GFRA1: variants seen among roughly 807,000 people sequenced by gnomAD.
The protein encoded by GFRA1 is GDNF family receptor alpha 1.
Under a neutral mutation model 51.6 loss-of-function variants are expected in GFRA1, and 16 were observed. That is an observed-to-expected ratio of 0.31 (90% CI 0.21 to 0.47). GFRA1 has a LOEUF of 0.47. Ranked by LOEUF, GFRA1 falls within the 20% of genes least tolerant of loss-of-function variation. The pLI is 1.00. For synonymous variants in GFRA1, 270 were observed against 241.3 expected (o/e 1.12, Z -1.10); for missense variants, 530 against 594.3 (o/e 0.89, Z 1.13).
At chr10:116,270,430 A>G (rs568408282) in intron 3 of GFRA1, among the ~76,000 whole-genome samples, 3 of 152,344 alleles carry the variant, frequency 2.0e-5, no homozygotes, top group East Asian at 3.9e-4. Context: ...GGGGGAGTCC[A>G]GACCAGATGC....
intron 9 of GFRA1, among the ~76,000 whole-genome samples, chr10:116,068,222 C>CT (rs1955207113): frequency 6.6e-6 from 1 of 152,220 alleles, no homozygotes; most frequent in Admixed American, 6.5e-5. Context: ...ACACAGGACT[C>CT]TAAAGACACT....
chr10:116,130,293 C>T (rs1958053333), intron 5 of GFRA1, among the ~76,000 whole-genome samples: 1 of 151,810 alleles, frequency 6.6e-6, no homozygotes, highest in Non-Finnish European at 1.5e-5. Flanking sequence ...TTTAAAAAGA[C>T]AACTAATATT....
intron 5 of GFRA1, among the ~76,000 whole-genome samples, chr10:116,208,727 G>A (rs1348355505): frequency 6.6e-6 from 1 of 152,198 alleles, no homozygotes. Flanking sequence ...TTCGATTTCA[G>A]AATCAAGGTT....
chr10:116,216,238 C>T (rs1217543226), intron 4 of GFRA1, among the ~76,000 whole-genome samples: 1 of 152,170 alleles, frequency 6.6e-6, no homozygotes, highest in Non-Finnish European at 1.5e-5. Flanking sequence ...ATCCACATGA[C>T]TAGTGTTTAC....
At chr10:116,224,843 T>C (rs1966168225) in intron 4 of GFRA1, among the ~76,000 whole-genome samples, 1 of 152,224 alleles carries the variant, frequency 6.6e-6, no homozygotes, top group Admixed American at 6.5e-5. Flanking sequence ...TGTGAAGTCC[T>C]GGGTTGTGAA....
chr10:116,224,750 A>C (rs1188508167), intron 4 of GFRA1, among the ~76,000 whole-genome samples: 1 of 152,224 alleles, frequency 6.6e-6, no homozygotes, highest in Non-Finnish European at 1.5e-5. Flanking sequence ...AACACTCCAA[A>C]ATTGACTGTA....
At chr10:116,189,159 C>A (rs1005884416) in intron 5 of GFRA1, among the ~76,000 whole-genome samples, 1 of 151,060 alleles carries the variant, frequency 6.6e-6, no homozygotes, top group East Asian at 2.0e-4. Flanking sequence ...AAATGAATTA[C>A]CTGCAAGCAG....
At chr10:116,128,998 T>C (rs917842818) in intron 5 of GFRA1, among the ~76,000 whole-genome samples, 1 of 152,168 alleles carries the variant, frequency 6.6e-6, no homozygotes, top group Admixed American at 6.5e-5. Context: ...TATATATAAC[T>C]CTTGCCAGAG....
chr10:116,159,950 T>C (rs1482058492), intron 5 of GFRA1, among the ~76,000 whole-genome samples: 4 of 152,220 alleles, frequency 2.6e-5, no homozygotes, highest in Non-Finnish European at 4.4e-5. Context: ...AGGATTCCAA[T>C]ATACAGAGGT....
intron 4 of GFRA1, 132 bp downstream of exon 4, chr10:116,269,371 C>T (rs1007753662): frequency 5.6e-6 from 4 of 714,826 alleles, no homozygotes; most frequent in African/African-American, 1.7e-5. Context: ...TTATCATCAT[C>T]CTATTTCTAA....
chr10:116,169,097 T>G (rs1441461578), intron 5 of GFRA1, among the ~76,000 whole-genome samples: 1 of 152,122 alleles, frequency 6.6e-6, no homozygotes, highest in African/African-American at 2.4e-5. Flanking sequence ...CCCTGAATGC[T>G]GCCTCCAACT....
chr10:116,259,682 G>A (rs937190475), intron 4 of GFRA1, among the ~76,000 whole-genome samples: 36 of 152,168 alleles, frequency 2.4e-4, no homozygotes, highest in African/African-American at 8.0e-4. Context: ...GGAGTAGATA[G>A]CTCCTTCTAA....
At chr10:116,271,221 C>T in intron 2 of GFRA1, 106 bp from the exon 3 acceptor site, 3 of 879,304 alleles carry the variant, frequency 3.4e-6, no homozygotes, top group Admixed American at 2.8e-5. Flanking sequence ...GACCAGCCTT[C>T]GGGGGCGCCC....
At chr10:116,116,098 CT>C (rs1375650899) in intron 6 of GFRA1, among the ~76,000 whole-genome samples, 1 of 152,034 alleles carries the variant, frequency 6.6e-6, no homozygotes, top group Admixed American at 6.6e-5. Context: ...CTCTCTCTCT[CT>C]TTTTTCTTTT....
chr10:116,246,380 G>A (rs1395895989), intron 4 of GFRA1, among the ~76,000 whole-genome samples: 2 of 152,118 alleles, frequency 1.3e-5, no homozygotes, highest in East Asian at 1.9e-4. Context: ...GCAGTGAGAC[G>A]AGGTTGCGCC....
intron 5 of GFRA1, among the ~76,000 whole-genome samples, chr10:116,175,152 C>T (rs1000860486): frequency 3.9e-5 from 6 of 152,100 alleles, no homozygotes; most frequent in Non-Finnish European, 7.3e-5. Flanking sequence ...ACCAGGAAGA[C>T]GAAGGATGCA....
chr10:116,230,646 TAGAC>T lies in GFRA1; in HGVS notation c.419-19005_419-19002del, dbSNP rs145158465. Among the ~76,000 whole-genome samples, 1,272 of 152,106 alleles carry T rather than the reference TAGAC, an allele frequency of 8.4e-3. 13 individuals carry two copies. Among genetic ancestry groups the T allele is most frequent in the African/African-American group, 0.029 (1,194 of 41,460 alleles). On this transcript the variant is annotated intron_variant, in intron 4 of 10. Transcript: ENST00000355422. ...CTGAAAGTATTTATTGAGCAACTGTTAGACAGAGGCCATACGTACAAACAGGCCA... is the reference window on the plus strand; with the variant it reads ...CTGAAAGTATTTATTGAGCAACTGTTAGAGGCCATACGTACAAACAGGCCA...
At chr10:116,226,454 G>A (rs1035188912) in intron 4 of GFRA1, among the ~76,000 whole-genome samples, 2 of 152,150 alleles carry the variant, frequency 1.3e-5, no homozygotes, top group South Asian at 4.1e-4. Flanking sequence ...GGATTTCATC[G>A]ACAAGCGGCT....
chr10:116,079,418 T>C (rs1039369084), intron 9 of GFRA1, among the ~76,000 whole-genome samples: 5 of 152,074 alleles, frequency 3.3e-5, no homozygotes, highest in African/African-American at 9.7e-5. Flanking sequence ...TATATCTCCC[T>C]ATGCTCCTTG....
Sources: gnomAD v4.1 joint callset for allele counts (sites outside exome capture counted in the v4.1 genomes callset) on GRCh38, gnomAD v4.1.1 for gene constraint, MANE v1.5 for transcripts, NCBI Gene and HGNC (gene_info 2026-07-23, HGNC 2026-07-21) for gene names.